CPVL: variants seen among roughly 807,000 people sequenced by gnomAD.
CPVL encodes probable serine carboxypeptidase CPVL.
In CPVL, 51 loss-of-function variants were observed where a neutral mutation model predicts 63.7. The ratio of observed to expected loss-of-function variants is 0.80; its 90% confidence interval spans 0.64 to 1.01. The LOEUF (loss-of-function observed/expected upper bound fraction) is 1.01, where lower values mean the gene tolerates loss of function less well. CPVL is among the 50% of genes least tolerant of loss of function. The pLI is 0.00. For missense variants in CPVL, 530 were observed against 573.1 expected (o/e 0.92, Z 0.77); for synonymous variants, 195 against 206.0 (o/e 0.95, Z 0.46).
chr7:29,182,335 C>G (rs1798163633), intron 4 of CPVL, among the ~76,000 whole-genome samples: 1 of 152,064 alleles, frequency 6.6e-6, no homozygotes, highest in East Asian at 1.9e-4. Context: ...TTCCACCTAC[C>G]AATAATGAAA....
intron 6 of CPVL, among the ~76,000 whole-genome samples, chr7:29,090,638 G>A (rs895797722): frequency 6.6e-6 from 1 of 152,148 alleles, no homozygotes; most frequent in Non-Finnish European, 1.5e-5. Flanking sequence ...GGTAAACAAT[G>A]GCAGAAGGAG....
chr7:29,042,250 T>C (rs1283926787), intron 11 of CPVL, among the ~76,000 whole-genome samples: 1 of 152,138 alleles, frequency 6.6e-6, no homozygotes, highest in African/African-American at 2.4e-5. Flanking sequence ...TGCTTGCTAT[T>C]GGCTTGCCCT....
At chr7:29,000,347 C>T (rs1016676915) in intron 12 of CPVL, among the ~76,000 whole-genome samples, 11 of 21,682 alleles carry the variant, frequency 5.1e-4, no homozygotes, top group Admixed American at 2.1e-3. Flanking sequence ...GATCACTGGA[C>T]GGAGAGTGGT....
At chr7:29,013,159 G>A (rs938988631) in intron 12 of CPVL, 1 of 152,216 alleles carries the variant, frequency 6.6e-6, no homozygotes, top group East Asian at 1.9e-4. Context: ...TTGTGGAAAA[G>A]TCCAGGCCAG....
chr7:29,079,171 T>C (rs1337614074), intron 7 of CPVL, among the ~76,000 whole-genome samples: 1 of 152,160 alleles, frequency 6.6e-6, no homozygotes, highest in African/African-American at 2.4e-5. Flanking sequence ...TTCTTTTCTG[T>C]TTGTGTAAGG....
chr7:29,068,639 C>G (rs1783379179), intron 9 of CPVL, among the ~76,000 whole-genome samples: 2 of 151,780 alleles, frequency 1.3e-5, no homozygotes, highest in East Asian at 1.9e-4. Flanking sequence ...CTGCCCCGTC[C>G]TGAACCCACA....
At chr7:29,180,703 A>C (rs1490922709) in intron 5 of CPVL, among the ~76,000 whole-genome samples, 2 of 152,252 alleles carry the variant, frequency 1.3e-5, no homozygotes, top group Admixed American at 1.3e-4. Context: ...ACTAATAAGA[A>C]GAACACTAAC....
At chr7:29,051,044 G>C (rs997492452) in intron 11 of CPVL, among the ~76,000 whole-genome samples, 1 of 152,166 alleles carries the variant, frequency 6.6e-6, no homozygotes, top group African/African-American at 2.4e-5. Context: ...TAATTGGCTA[G>C]CCACATGCAG....
At chr7:29,022,350 C>G (rs1329988856) in intron 12 of CPVL, among the ~76,000 whole-genome samples, 1 of 152,218 alleles carries the variant, frequency 6.6e-6, no homozygotes, top group East Asian at 1.9e-4. Flanking sequence ...ACCTACCACC[C>G]CCACTGCCAC....
chr7:29,035,602 A>C (rs903707204), intron 11 of CPVL, among the ~76,000 whole-genome samples: 28 of 150,120 alleles, frequency 1.9e-4, no homozygotes, highest in Admixed American at 5.3e-4. Context: ...CCGCTGTGAA[A>C]TACCAGCAGT....
chr7:29,059,583 G>C (rs557123836), intron 11 of CPVL, among the ~76,000 whole-genome samples: 1 of 152,238 alleles, frequency 6.6e-6, no homozygotes, highest in South Asian at 2.1e-4. Context: ...CAGACTGAAA[G>C]ACAAAACCAC....
chr7:29,096,981 T>C (rs1298123995), intron 3 of CPVL, among the ~76,000 whole-genome samples: 1 of 95,778 alleles, frequency 1.0e-5, no homozygotes, highest in Non-Finnish European at 1.8e-5. Context: ...CGAGACTCTG[T>C]CTCAAAAAAA....
In CPVL at chr7:29,170,930, A is replaced by T. The variant is rs559669765; in HGVS notation, c.-11+10360T>A. On this transcript the variant is annotated intron_variant, in intron 5 of 16. Transcript: ENST00000409850. Reference sequence around the variant, plus strand: ...TGAGACTTACTCACTATCACAAGAAAAACATGGGAAAGACCTGCCCCCATG... The same window carrying T: ...TGAGACTTACTCACTATCACAAGAATAACATGGGAAAGACCTGCCCCCATG... 1.3e-4 allele frequency among the ~76,000 whole-genome samples: 20 copies of T among 152,248 alleles called. 1 individual carries two copies. Among genetic ancestry groups the T allele is most frequent in the Middle Eastern group, 3.4e-3 (1 of 294 alleles).
At chr7:29,095,246 G>T in intron 4 of CPVL, 104 bp from the exon 5 acceptor site, 1 of 903,824 alleles carries the variant, frequency 1.1e-6, no homozygotes, top group Non-Finnish European at 1.8e-6. Context: ...CTCATGAGCT[G>T]TTGGCGTACC....
At chr7:29,011,619 CACATAT>C (rs927259265) in intron 12 of CPVL, 1 of 152,128 alleles carries the variant, frequency 6.6e-6, no homozygotes, top group Non-Finnish European at 1.5e-5. Flanking sequence ...TATGCATCCA[CACATAT>C]ACATAGATAA....
intron 12 of CPVL, among the ~76,000 whole-genome samples, chr7:29,020,513 T>C (rs1394348523): frequency 1.3e-5 from 2 of 152,140 alleles, no homozygotes; most frequent in South Asian, 2.1e-4. Flanking sequence ...AATAGCAAAA[T>C]TTACTATGAG....
intron 6 of CPVL, among the ~76,000 whole-genome samples, chr7:29,091,315 C>G (rs566665322): frequency 6.6e-6 from 1 of 151,474 alleles, no homozygotes; most frequent in Admixed American, 6.6e-5. Context: ...AGAGGGGGCC[C>G]GATGCATCTC....
chr7:29,135,004 G>C (rs1791047153), intron 1 of CPVL, among the ~76,000 whole-genome samples: 1 of 151,454 alleles, frequency 6.6e-6, no homozygotes, highest in African/African-American at 2.4e-5. Context: ...TTAGGGAGCT[G>C]AAGTGGGAGG....
intron 11 of CPVL, among the ~76,000 whole-genome samples, chr7:29,045,822 G>A (rs1789556517): frequency 6.6e-6 from 1 of 152,170 alleles, no homozygotes; most frequent in Admixed American, 6.5e-5. Context: ...AGTTAGATTT[G>A]CTGGAATATT....
Sources: allele counts gnomAD v4.1 joint callset (sites outside exome capture counted in the v4.1 genomes callset), GRCh38; gene constraint gnomAD v4.1.1; transcripts MANE v1.5; gene names NCBI Gene and HGNC (gene_info 2026-07-23, HGNC 2026-07-21).